ABCA13: variants seen among roughly 807,000 people sequenced by gnomAD.
ABCA13 encodes the protein ATP binding cassette subfamily A member 13.
Under a neutral mutation model 478.7 loss-of-function variants are expected in ABCA13, and 476 were observed. That is an observed-to-expected ratio of 0.99 (90% CI 0.92 to 1.07). The LOEUF is 1.07. ABCA13 is among the 50% of genes least tolerant of loss of function. The probability of loss-of-function intolerance (pLI) is 0.00; values close to 1 mark genes in which losing one functional copy is unlikely to be tolerated. For synonymous variants in ABCA13, 2,252 were observed against 2,158.9 expected, an observed-to-expected ratio of 1.04 and a Z score of -1.20; for missense variants, 6,060 against 5,910.6, an observed-to-expected ratio of 1.03 and a Z score of -0.83.
intron 52 of ABCA13, among the ~76,000 whole-genome samples, chr7:48,519,268 G>A (rs963414877): frequency 2.6e-5 from 4 of 152,100 alleles, no homozygotes; most frequent in Non-Finnish European, 2.9e-5. Context: ...GAACATATGT[G>A]TGCACATATC....
intron 42 of ABCA13, among the ~76,000 whole-genome samples, chr7:48,440,591 ATTAG>A (rs1341851950): frequency 2.0e-5 from 3 of 152,102 alleles, no homozygotes; most frequent in Non-Finnish European, 4.4e-5. Context: ...TTTAAAAAAT[ATTAG>A]TTAACTTTTA....
rs746325979 is a variant in ABCA13 at position 48,511,132 on chromosome 7, T to C, written c.13573T>C (p.Phe4525Leu). The change falls in exon 51 of 62, where the codon TTC becomes CTC. Residue 4525 changes from phenylalanine to leucine, a missense_variant. By Grantham distance (22) the Phe-to-Leu change is conservative (BLOSUM62 0). This residue lies in a region of ABCA13 where 1,627 missense variants were observed against 1,571.0 expected (regional missense o/e 1.04). Coordinates refer to ENST00000435803, the MANE Select transcript of ABCA13 (RefSeq NM_152701.5). ...VCLCVAVIVA[F>L]QLTAFTFRKN... ...CCTGTGTGTTGCCGTTATTGTCGCC[T>C]TCCAGTTAACAGCTTTTACTTTCCG... is the stretch of plus-strand genomic sequence containing the variant. The C allele has an allele frequency of 9.3e-6, 15 of 1,613,618 alleles. No homozygotes were observed. Among genetic ancestry groups the C allele is most frequent in the Non-Finnish European group, 2.5e-6 (3 of 1,179,712 alleles).
chr7:48,512,158 AAGAC>A (rs148914684), intron 51 of ABCA13, among the ~76,000 whole-genome samples: 3,403 of 152,188 alleles, frequency 0.022, 118 homozygotes, highest in African/African-American at 0.077. Flanking sequence ...AGAGAGAAAC[AAGAC>A]AGACAGACAA....
chr7:48,517,163 C>A (rs1373852209), intron 52 of ABCA13, among the ~76,000 whole-genome samples: 1 of 152,178 alleles, frequency 6.6e-6, no homozygotes, highest in African/African-American at 2.4e-5. Context: ...TGCCGCATCC[C>A]TAGCATTTTC....
At chr7:48,230,927 A>G (rs1788972922) in intron 7 of ABCA13, among the ~76,000 whole-genome samples, 1 of 152,188 alleles carries the variant, frequency 6.6e-6, no homozygotes, top group Non-Finnish European at 1.5e-5. Flanking sequence ...AGTGGGAATA[A>G]AAAGCTGAAT....
rs564948688 is a variant in ABCA13 at position 48,245,500 on chromosome 7, T to C, written c.1391-12T>C. Reference sequence around the variant, plus strand: ...CCTTAGGTGAATAATAATCAATTTGTCTACTTTGCAGAAGTCCTCATTTGC... The same window carrying C: ...CCTTAGGTGAATAATAATCAATTTGCCTACTTTGCAGAAGTCCTCATTTGC... On this transcript the variant is annotated splice_polypyrimidine_tract_variant and intron_variant, in intron 11 of 61. Transcript: ENST00000435803. The C allele has an allele frequency of 1.3e-6, 2 of 1,598,790 alleles. No individual in the cohort carries two copies. The highest frequency in any genetic ancestry group is 4.5e-5 in the East Asian group (2 of 44,668).
intron 2 of ABCA13, among the ~76,000 whole-genome samples, chr7:48,196,302 A>T (rs902580566): frequency 6.6e-6 from 1 of 152,140 alleles, no homozygotes; most frequent in African/African-American, 2.4e-5. Flanking sequence ...TGGCCCAAAG[A>T]AACACTGGAA....
intron 1 of ABCA13, among the ~76,000 whole-genome samples, chr7:48,185,226 T>G (rs576334757): frequency 6.6e-6 from 1 of 152,330 alleles, no homozygotes; most frequent in East Asian, 1.9e-4. Flanking sequence ...ACATCAAGTC[T>G]CCAAATATGC....
At chr7:48,380,613 T>A (rs2129042472) in intron 35 of ABCA13, among the ~76,000 whole-genome samples, 1 of 152,324 alleles carries the variant, frequency 6.6e-6, no homozygotes, top group South Asian at 2.1e-4. Flanking sequence ...GTCAAGGACA[T>A]TTCTTTGTTG....
At chr7:48,600,242 C>T (rs973920176) in intron 58 of ABCA13, among the ~76,000 whole-genome samples, 4 of 151,754 alleles carry the variant, frequency 2.6e-5, no homozygotes, top group Non-Finnish European at 4.4e-5. Context: ...TTGCCTCTGT[C>T]TTTTGGATAA....
At chr7:48,289,392 A>C (rs1470469998) in intron 20 of ABCA13, among the ~76,000 whole-genome samples, 2 of 144,244 alleles carry the variant, frequency 1.4e-5, no homozygotes, top group Non-Finnish European at 3.0e-5. Flanking sequence ...GGAGTCTTGC[A>C]CTGTTGCCTG....
chr7:48,512,884 G>C (rs892103599), intron 51 of ABCA13, among the ~76,000 whole-genome samples: 4 of 152,214 alleles, frequency 2.6e-5, no homozygotes, highest in Admixed American at 2.0e-4. Flanking sequence ...AGACTGGAAA[G>C]ATGTCAGAGA....
intron 45 of ABCA13, among the ~76,000 whole-genome samples, chr7:48,479,363 G>A (rs962856701): frequency 5.3e-5 from 8 of 151,758 alleles, no homozygotes; most frequent in Non-Finnish European, 8.8e-5. Flanking sequence ...TCAGCCTCCC[G>A]AGTAGCTGGG....
intron 13 of ABCA13, among the ~76,000 whole-genome samples, chr7:48,246,746 A>G (rs17629765): frequency 0.27 from 41,259 of 152,068 alleles, 6,331 homozygotes; most frequent in Non-Finnish European, 0.36. Flanking sequence ...CTTAGCATCT[A>G]CTCTGTGCAT....
chr7:48,441,316 C>T (rs186988390), intron 42 of ABCA13, among the ~76,000 whole-genome samples: 1 of 152,268 alleles, frequency 6.6e-6, no homozygotes, highest in East Asian at 1.9e-4. Flanking sequence ...CTAGAATAGC[C>T]ATTTACAAAA....
intron 31 of ABCA13, among the ~76,000 whole-genome samples, chr7:48,361,180 G>A (rs774994874): frequency 5.9e-5 from 9 of 151,738 alleles, no homozygotes; most frequent in African/African-American, 1.5e-4. Context: ...TGCAAGGGAC[G>A]AGAATCACAG....
intron 42 of ABCA13, among the ~76,000 whole-genome samples, chr7:48,432,262 A>G (rs1822248824): frequency 2.0e-5 from 3 of 152,168 alleles, no homozygotes; most frequent in Non-Finnish European, 4.4e-5. Context: ...AATGAAAACC[A>G]CAATGAGATA....
At chr7:48,498,871 A>G (rs1830497498) in intron 48 of ABCA13, among the ~76,000 whole-genome samples, 2 of 152,226 alleles carry the variant, frequency 1.3e-5, no homozygotes, top group Admixed American at 1.3e-4. Flanking sequence ...GTTGTAGTGA[A>G]GGACATAGAT....
At position 48,254,891 on chromosome 7, in the gene ABCA13, C is replaced by T. The variant is rs118162563; in HGVS notation, c.2005+5540C>T. 3.9e-5 allele frequency among the ~76,000 whole-genome samples: 6 copies of T among 152,242 alleles called. No homozygotes were observed. The East Asian group carries it at 1.2e-3, about 29-fold the overall frequency. ...TTGAAAGTTCTTATTTTCGTAGCCTCTCTTCCCTCATTTTTGTTTTGGAAA... is the reference window on the plus strand; with the variant it reads ...TTGAAAGTTCTTATTTTCGTAGCCTTTCTTCCCTCATTTTTGTTTTGGAAA... On this transcript the variant is annotated intron_variant, in intron 15 of 61. Coordinates refer to ENST00000435803, the MANE Select transcript of ABCA13 (RefSeq NM_152701.5).
Sources: allele counts gnomAD v4.1 joint callset (sites outside exome capture counted in the v4.1 genomes callset), GRCh38; gene constraint gnomAD v4.1.1; regional missense constraint gnomAD v4.1.1; transcripts MANE v1.5; gene names NCBI Gene and HGNC (gene_info 2026-07-23, HGNC 2026-07-21).